The following GPC5 variants were observed in gnomAD, a reference collection of about 807,000 sequenced individuals.
GPC5 encodes glypican 5, also known as glypican-5.
A neutral mutation model predicts 53.9 loss-of-function variants in GPC5; 47 were observed. That is an observed-to-expected ratio of 0.87 (90% CI 0.69 to 1.11). GPC5 has a LOEUF of 1.11. Among genes scored for constraint, GPC5 ranks in the 50% most tolerant of loss-of-function variants. GPC5 has a pLI of 0.00. For missense variants in GPC5, 748 were observed against 713.1 expected, an observed-to-expected ratio of 1.05 and a Z score of -0.56; for synonymous variants, 286 against 263.3, an observed-to-expected ratio of 1.09 and a Z score of -0.84.
intron 7 of GPC5, among the ~76,000 whole-genome samples, chr13:92,229,270 C>T (rs1210074734): frequency 6.6e-6 from 1 of 151,998 alleles, no homozygotes; most frequent in East Asian, 1.9e-4. Flanking sequence ...ATATGAAATA[C>T]TCATAATAAT....
chr13:92,117,420 C>T, intron 6 of GPC5, among the ~76,000 whole-genome samples: 1 of 152,134 alleles, frequency 6.6e-6, no homozygotes, highest in Middle Eastern at 3.2e-3. Flanking sequence ...TAGTTTGATT[C>T]CTCCACCTTG....
At position 92,729,913 on chromosome 13, in the gene GPC5, A is replaced by T. The variant is rs569844421; in HGVS notation, c.1562-136369A>T. On this transcript the variant is annotated intron_variant, in intron 7 of 7. Transcript: ENST00000377067. ...CACCTCAAAAAAAACCAGTCTTGCAACTCAAAATAATTCCCATTTTATGTA... is the reference window on the plus strand; with the variant it reads ...CACCTCAAAAAAAACCAGTCTTGCATCTCAAAATAATTCCCATTTTATGTA... Among the ~76,000 whole-genome samples the T allele has an allele frequency of 2.6e-3, 389 of 151,532 alleles. 2 individuals carry two copies. The highest frequency in any genetic ancestry group is 4.6e-3 in the Non-Finnish European group (309 of 67,554).
intron 5 of GPC5, among the ~76,000 whole-genome samples, chr13:91,881,001 G>A (rs1176020997): frequency 1.3e-5 from 2 of 152,122 alleles, no homozygotes; most frequent in Non-Finnish European, 1.5e-5. Flanking sequence ...ATGTTGGCAA[G>A]GCTGGTCTGG....
rs964959259 is a variant in GPC5 at position 91,846,216 on chromosome 13, C to G, written c.1281-61721C>G. Among the ~76,000 whole-genome samples, 8 of 152,076 alleles carry G rather than the reference C, an allele frequency of 5.3e-5. No individual in the cohort carries two copies. The South Asian group carries it at 1.7e-3, about 32-fold the overall frequency. ...TGCCCATATGACCTGCTAAATCAGA[C>G]AAACACACCAGATTCTAATATACAG... is the stretch of plus-strand genomic sequence containing the variant. On this transcript the variant is annotated intron_variant, in intron 5 of 7. Transcript: ENST00000377067.
intron 5 of GPC5, among the ~76,000 whole-genome samples, chr13:91,884,289 A>C (rs1243507596): frequency 6.6e-6 from 1 of 152,202 alleles, no homozygotes; most frequent in Admixed American, 6.5e-5. Context: ...GTCATAAAGA[A>C]ACATGCATGC....
At chr13:92,605,993 T>A (rs1205532784) in intron 7 of GPC5, among the ~76,000 whole-genome samples, 1 of 152,116 alleles carries the variant, frequency 6.6e-6, no homozygotes, top group Non-Finnish European at 1.5e-5. Flanking sequence ...AAAATAAAAA[T>A]TTTCAAAGCT....
At chr13:92,685,440 C>T (rs1416177212) in intron 7 of GPC5, among the ~76,000 whole-genome samples, 1 of 151,780 alleles carries the variant, frequency 6.6e-6, no homozygotes, top group Non-Finnish European at 1.5e-5. Context: ...CCTGTTACCA[C>T]ATTTTTCCAC....
intron 6 of GPC5, among the ~76,000 whole-genome samples, chr13:91,945,181 CA>C (rs2039963325): frequency 2.0e-5 from 3 of 152,158 alleles, no homozygotes; most frequent in Admixed American, 2.0e-4. Flanking sequence ...GATTTTAGGA[CA>C]GGGGAAGGGA....
chr13:91,498,522 G>A (rs577389359), intron 2 of GPC5, among the ~76,000 whole-genome samples: 98 of 152,250 alleles, frequency 6.4e-4, no homozygotes, highest in Non-Finnish European at 8.5e-4. Flanking sequence ...TGAACTGGGC[G>A]TAGGATAGCC....
At chr13:91,470,083 G>A (rs1882517190) in intron 2 of GPC5, among the ~76,000 whole-genome samples, 1 of 152,088 alleles carries the variant, frequency 6.6e-6, no homozygotes. Context: ...CCCACCACAG[G>A]TTTTGAAGTA....
At chr13:92,618,469 A>G (rs1174164982) in intron 7 of GPC5, among the ~76,000 whole-genome samples, 1 of 152,064 alleles carries the variant, frequency 6.6e-6, no homozygotes, top group Non-Finnish European at 1.5e-5. Flanking sequence ...ATGATGGGCA[A>G]AAGGTAAGTA....
chr13:92,741,898 C>G (rs573532953), intron 7 of GPC5, among the ~76,000 whole-genome samples: 1 of 152,218 alleles, frequency 6.6e-6, no homozygotes, highest in South Asian at 2.1e-4. Context: ...ATCCACGTCC[C>G]TACAAAGGAC....
At chr13:92,746,148 A>C (rs543483313) in intron 7 of GPC5, among the ~76,000 whole-genome samples, 1 of 152,226 alleles carries the variant, frequency 6.6e-6, no homozygotes, top group African/African-American at 2.4e-5. Context: ...AAAATGGAGT[A>C]TTCAGCTGTA....
intron 5 of GPC5, among the ~76,000 whole-genome samples, chr13:91,894,732 AG>A (rs1256060949): frequency 3.9e-5 from 6 of 152,168 alleles, no homozygotes; most frequent in African/African-American, 1.4e-4. Flanking sequence ...GCAGGGGGAA[AG>A]AACCAATCAT....
intron 6 of GPC5, among the ~76,000 whole-genome samples, chr13:92,128,620 A>G (rs911179111): frequency 1.3e-5 from 2 of 152,218 alleles, no homozygotes; most frequent in Non-Finnish European, 2.9e-5. Context: ...CCTGTTTAGA[A>G]CAGCCATCTT....
intron 6 of GPC5, among the ~76,000 whole-genome samples, chr13:92,007,925 C>T (rs186378705): frequency 7.9e-5 from 12 of 152,108 alleles, no homozygotes; most frequent in African/African-American, 2.9e-4. Context: ...TCTATACTTC[C>T]GTTTCCACTT....
intron 5 of GPC5, among the ~76,000 whole-genome samples, chr13:91,892,542 T>A (rs965296163): frequency 2.4e-4 from 37 of 151,878 alleles, no homozygotes; most frequent in African/African-American, 8.4e-4. Flanking sequence ...GTTATTTTAC[T>A]TTTTAGTAAC....
intron 6 of GPC5, among the ~76,000 whole-genome samples, chr13:92,053,315 G>A (rs2041045794): frequency 6.6e-6 from 1 of 152,140 alleles, no homozygotes; most frequent in South Asian, 2.1e-4. Context: ...TCCCACCGAC[G>A]TCAAAGTTGA....
At chr13:92,424,584 AT>A in intron 7 of GPC5, among the ~76,000 whole-genome samples, 1 of 152,122 alleles carries the variant, frequency 6.6e-6, no homozygotes, top group South Asian at 2.1e-4. Context: ...AAGCACACAG[AT>A]ATACTTCATT....
Sources: gnomAD v4.1 joint callset for allele counts (sites outside exome capture counted in the v4.1 genomes callset) on GRCh38, gnomAD v4.1.1 for gene constraint, MANE v1.5 for transcripts, NCBI Gene and HGNC (gene_info 2026-07-23, HGNC 2026-07-21) for gene names.